PTPN9: variants seen among roughly 807,000 people sequenced by gnomAD.
PTPN9 encodes the protein tyrosine-protein phosphatase non-receptor type 9.
PTPN9 carries 26 observed loss-of-function variants against 69.8 expected under a neutral mutation model. The observed-to-expected ratio is 0.37, with a 90% CI of 0.27 to 0.52. The LOEUF (loss-of-function observed/expected upper bound fraction) is 0.52, where lower values mean the gene tolerates loss of function less well. Among genes scored for constraint, PTPN9 ranks in the 20% least tolerant of loss-of-function variants. PTPN9 has a pLI of 0.91. For missense variants in PTPN9, 549 were observed against 740.3 expected (o/e 0.74, Z 3.00); for synonymous variants, 274 against 272.5 (o/e 1.01, Z -0.05).
At chr15:75,470,631 T>G in intron 11 of PTPN9, 49 bp downstream of exon 11, 1 of 1,582,814 alleles carries the variant, frequency 6.3e-7, no homozygotes, top group Non-Finnish European at 8.6e-7. Flanking sequence ...TTACAGTAAT[T>G]ATTCTCCCCC....
chr15:75,482,413 A>G (rs1238100506), intron 8 of PTPN9, among the ~76,000 whole-genome samples: 3 of 151,898 alleles, frequency 2.0e-5, no homozygotes, highest in Non-Finnish European at 4.4e-5. Flanking sequence ...AAAATACAAA[A>G]GATTAGCCGG....
intron 1 of PTPN9, among the ~76,000 whole-genome samples, chr15:75,534,837 C>T (rs2074976465): frequency 6.6e-6 from 1 of 151,122 alleles, no homozygotes; most frequent in South Asian, 2.1e-4. Flanking sequence ...ACCAGGTGTG[C>T]TGGCTTGCGC....
At chr15:75,494,969 A>G (rs531076001) in intron 7 of PTPN9, among the ~76,000 whole-genome samples, 1 of 152,072 alleles carries the variant, frequency 6.6e-6, no homozygotes, top group African/African-American at 2.4e-5. Flanking sequence ...GGTTGCGGTG[A>G]GCTGAGATTG....
At chr15:75,518,801 A>T (rs1253273659) in intron 4 of PTPN9, among the ~76,000 whole-genome samples, 1 of 149,006 alleles carries the variant, frequency 6.7e-6, no homozygotes, top group Non-Finnish European at 1.5e-5. Context: ...TGGGCAACAG[A>T]GCGAGACTCC....
At chr15:75,472,328 G>A (rs1350752901) in intron 10 of PTPN9, among the ~76,000 whole-genome samples, 2 of 151,132 alleles carry the variant, frequency 1.3e-5, no homozygotes, top group Non-Finnish European at 2.9e-5. Context: ...GCGAGGTGGC[G>A]GGCGCCTGAA....
chr15:75,545,065 C>G (rs2075026322), intron 1 of PTPN9, among the ~76,000 whole-genome samples: 1 of 152,152 alleles, frequency 6.6e-6, no homozygotes, highest in Admixed American at 6.6e-5. Flanking sequence ...TGTCTATCTG[C>G]TCCCACTAAA....
chr15:75,567,792 C>G (rs2075132623), intron 1 of PTPN9, among the ~76,000 whole-genome samples: 1 of 151,426 alleles, frequency 6.6e-6, no homozygotes, highest in East Asian at 2.0e-4. Context: ...GTCAGGAGAT[C>G]AATACCGTCC....
intron 1 of PTPN9, among the ~76,000 whole-genome samples, chr15:75,534,490 ATGGTGAG>A (rs976737615): frequency 1.3e-5 from 2 of 152,082 alleles, no homozygotes; most frequent in Non-Finnish European, 2.9e-5. Flanking sequence ...CCTGGGCAAC[ATGGTGAG>A]ACCCCATCTC....
At chr15:75,505,430 C>T (rs1260641301) in intron 7 of PTPN9, among the ~76,000 whole-genome samples, 5 of 142,420 alleles carry the variant, frequency 3.5e-5, no homozygotes, top group African/African-American at 8.0e-5. Context: ...TCCCCCTCTG[C>T]GAGAAACACC....
chr15:75,482,564 C>CAAAAAAAAAA (rs145653223), intron 8 of PTPN9, among the ~76,000 whole-genome samples: 6 of 35,402 alleles, frequency 1.7e-4, no homozygotes, highest in Non-Finnish European at 1.5e-4. Context: ...GACTCCGTCT[C>CAAAAAAAAAA]AAAAAAAAAA....
intron 5 of PTPN9, among the ~76,000 whole-genome samples, chr15:75,511,870 A>G (rs2074846687): frequency 6.9e-6 from 1 of 145,116 alleles, no homozygotes; most frequent in African/African-American, 2.5e-5. Flanking sequence ...TCACTTTAAT[A>G]TTTTTTTTTT....
intron 1 of PTPN9, among the ~76,000 whole-genome samples, chr15:75,571,669 G>A (rs933026350): frequency 1.3e-5 from 2 of 151,774 alleles, no homozygotes; most frequent in Admixed American, 6.6e-5. Flanking sequence ...GGCAGAGGCA[G>A]GTGGATCACG....
intron 1 of PTPN9, among the ~76,000 whole-genome samples, chr15:75,566,382 T>C (rs1319066989): frequency 1.3e-5 from 2 of 152,208 alleles, no homozygotes; most frequent in Admixed American, 6.5e-5. Context: ...TATTTTTCAT[T>C]ATAAAAGAAA....
intron 1 of PTPN9, among the ~76,000 whole-genome samples, chr15:75,532,899 G>C (rs1427793615): frequency 6.6e-6 from 1 of 152,184 alleles, no homozygotes; most frequent in Non-Finnish European, 1.5e-5. Context: ...TGACCACTGA[G>C]TACAAAGTAA....
intron 1 of PTPN9, 102 bp from the exon 2 acceptor site, chr15:75,527,363 T>G: frequency 1.5e-6 from 2 of 1,343,886 alleles, no homozygotes; most frequent in Non-Finnish European, 1.0e-6. Flanking sequence ...CAAGCAAGTC[T>G]GAACCCAGTT....
chr15:75,568,395 C>T (rs2141344408), intron 1 of PTPN9, among the ~76,000 whole-genome samples: 1 of 151,194 alleles, frequency 6.6e-6, no homozygotes, highest in East Asian at 2.0e-4. Context: ...TTAGTCCCAG[C>T]TTCTTGGGAG....
chr15:75,538,839 A>G (rs1390675931), intron 1 of PTPN9, among the ~76,000 whole-genome samples: 1 of 152,200 alleles, frequency 6.6e-6, no homozygotes, highest in African/African-American at 2.4e-5. Flanking sequence ...TGTAGGATAC[A>G]CAAAAAACTG....
chr15:75,481,050 A>C (rs1172644355), intron 8 of PTPN9, among the ~76,000 whole-genome samples: 4 of 51,874 alleles, frequency 7.7e-5, no homozygotes, highest in Admixed American at 1.9e-4. Context: ...AGCCGCCATC[A>C]CATCTAGGAA....
intron 1 of PTPN9, among the ~76,000 whole-genome samples, chr15:75,556,408 C>T (rs2141337938): frequency 6.9e-6 from 1 of 145,450 alleles, no homozygotes; most frequent in African/African-American, 2.6e-5. Context: ...GACAGGGTCT[C>T]GCTCTGTCAC....
Sources: gnomAD v4.1 joint callset for allele counts (sites outside exome capture counted in the v4.1 genomes callset) on GRCh38, gnomAD v4.1.1 for gene constraint, MANE v1.5 for transcripts, NCBI Gene and HGNC (gene_info 2026-07-23, HGNC 2026-07-21) for gene names.